The following RASGRF2 variants were observed in gnomAD, a reference collection of about 807,000 sequenced individuals.
The protein encoded by RASGRF2 is Ras protein specific guanine nucleotide releasing factor 2.
In RASGRF2, 76 loss-of-function variants were observed where a neutral mutation model predicts 151.0. That is an observed-to-expected ratio of 0.50 (90% CI 0.42 to 0.61). The LOEUF (loss-of-function observed/expected upper bound fraction) is 0.61. RASGRF2 is among the 20% of genes least tolerant of loss of function. The pLI, the probability that RASGRF2 is intolerant of heterozygous loss-of-function variation, is 0.00. For synonymous variants in RASGRF2, 504 were observed against 566.5 expected (o/e 0.89, Z 1.57); for missense variants, 1,148 against 1,564.6 (o/e 0.73, Z 4.49).
intron 17 of RASGRF2, among the ~76,000 whole-genome samples, chr5:81,130,426 G>T (rs562716761): frequency 1.3e-5 from 2 of 152,252 alleles, no homozygotes; most frequent in South Asian, 4.1e-4. Context: ...TAAGAAAGGG[G>T]GTCTCTTTTG....
In RASGRF2 at chr5:81,145,712, G is replaced by A. The variant is rs539604110; in HGVS notation, c.2686+18549G>A. On this transcript the variant is annotated intron_variant, in intron 17 of 26. Coordinates refer to ENST00000265080, the MANE Select transcript of RASGRF2 (RefSeq NM_006909.3). ...GTGAGTGAGCTGGGAAGCAGACCCC[G>A]TAGCCCCAGCACAGCCTTCAGATGA... Among the ~76,000 whole-genome samples, 13 of 152,262 alleles carry A rather than the reference G, an allele frequency of 8.5e-5. No homozygotes were observed. The East Asian group carries it at 1.2e-3, about 14-fold the overall frequency.
At chr5:81,206,946 A>C in intron 20 of RASGRF2, 41 bp downstream of exon 20, 1 of 1,469,742 alleles carries the variant, frequency 6.8e-7, no homozygotes, top group South Asian at 1.1e-5. Context: ...ACTATGTGCA[A>C]ACTACCTCTC....
intron 2 of RASGRF2, among the ~76,000 whole-genome samples, chr5:81,053,282 C>G (rs952427822): frequency 7.9e-6 from 1 of 126,984 alleles, no homozygotes; most frequent in Non-Finnish European, 1.6e-5. Context: ...CCCCTCCCCC[C>G]ACCCCATGAC....
At chr5:81,031,517 A>G (rs1426580248) in intron 1 of RASGRF2, among the ~76,000 whole-genome samples, 1 of 152,226 alleles carries the variant, frequency 6.6e-6, no homozygotes, top group Admixed American at 6.5e-5. Flanking sequence ...GCTCAACTAC[A>G]TGGAAACTGA....
chr5:81,113,862 G>A lies in RASGRF2; in HGVS notation c.2412G>A (p.Glu804=). The part of the protein sequence containing the change: ...SPEQSPGTVE[E]NVDNPRVDLC... ...AGCAAAGCCCGGGAACGGTAGAAGA[G>A]AATGTCGATAACCCACGCGTGGATC... is the stretch of plus-strand genomic sequence containing the variant. Residue 804 remains glutamate (E), a synonymous_variant, in exon 15 of 27, where the codon GAG becomes GAA. Coordinates refer to ENST00000265080, the MANE Select transcript of RASGRF2 (RefSeq NM_006909.3). The A allele has an allele frequency of 6.2e-7, 1 of 1,614,224 alleles. No individual in the cohort carries two copies. The highest frequency in any genetic ancestry group is 1.6e-4 in the Middle Eastern group (1 of 6,062).
intron 22 of RASGRF2, 60 bp downstream of exon 22, chr5:81,208,498 A>T: frequency 3.2e-6 from 4 of 1,254,192 alleles, no homozygotes; most frequent in Non-Finnish European, 4.6e-6. Context: ...ATTGGGGTCT[A>T]AAGACTCCTC....
chr5:81,048,028 A>G (rs1418356610), intron 2 of RASGRF2, among the ~76,000 whole-genome samples: 1 of 152,228 alleles, frequency 6.6e-6, no homozygotes, highest in Admixed American at 6.5e-5. Flanking sequence ...TGTGTATATC[A>G]TATCCTCCCC....
chr5:80,987,343 C>T (rs1748504829), intron 1 of RASGRF2, among the ~76,000 whole-genome samples: 1 of 152,192 alleles, frequency 6.6e-6, no homozygotes, highest in Non-Finnish European at 1.5e-5. Context: ...GCAGGAACCA[C>T]AGTTTACCCT....
intron 18 of RASGRF2, among the ~76,000 whole-genome samples, chr5:81,180,541 C>T (rs1209831672): frequency 1.3e-5 from 2 of 152,142 alleles, no homozygotes; most frequent in South Asian, 2.1e-4. Context: ...TCTGAGGAAA[C>T]AGCACTCACC....
intron 7 of RASGRF2, among the ~76,000 whole-genome samples, 173 bp from the exon 8 acceptor site, chr5:81,085,629 A>C (rs932786942): frequency 4.6e-5 from 7 of 152,160 alleles, no homozygotes; most frequent in Non-Finnish European, 7.3e-5. Context: ...TTTGGTGTGC[A>C]TGAAGTGTGA....
chr5:81,013,654 T>G (rs1749542105), intron 1 of RASGRF2, among the ~76,000 whole-genome samples: 1 of 151,808 alleles, frequency 6.6e-6, no homozygotes, highest in African/African-American at 2.4e-5. Context: ...TATATATATG[T>G]TATTCTAAAT....
At chr5:81,105,208 G>A (rs1257041963) in intron 12 of RASGRF2, among the ~76,000 whole-genome samples, 4 of 152,094 alleles carry the variant, frequency 2.6e-5, no homozygotes, top group Non-Finnish European at 5.9e-5. Context: ...GTTAGTGCAG[G>A]TAGGATGACA....
chr5:80,982,614 T>TATTATTATTATC (rs1748341510), intron 1 of RASGRF2, among the ~76,000 whole-genome samples: 1 of 148,908 alleles, frequency 6.7e-6, no homozygotes, highest in Non-Finnish European at 1.5e-5. Context: ...TTATTATTAT[T>TATTATTATTATC]ATTTGAGACA....
intron 18 of RASGRF2, among the ~76,000 whole-genome samples, chr5:81,187,520 T>C (rs1383184565): frequency 1.3e-5 from 2 of 152,214 alleles, no homozygotes; most frequent in Admixed American, 1.3e-4. Context: ...GGGGCACACC[T>C]ATATTAGGTT....
rs1167479268 is a variant in RASGRF2, at chr5:80,961,042, T to G, written c.288+16T>G. ...GGACAAGCAGGTACCGCGCGCCTTC[T>G]CTCCGCGGTCTCCCAGCCTTGATCG... On this transcript the variant is annotated intron_variant, in intron 1 of 26. Transcript: ENST00000265080. 2.1e-6 allele frequency: 3 copies of G among 1,435,168 alleles called. No homozygotes were observed. Among genetic ancestry groups the G allele is most frequent in the Non-Finnish European group, 2.8e-6 (3 of 1,089,038 alleles). 88.9% of individuals were successfully genotyped at this position (1,435,168 alleles called of 1,614,324 possible). A position where few individuals can be genotyped will look rare whatever the true frequency, so the allele number is the denominator to read the frequency against.
intron 18 of RASGRF2, among the ~76,000 whole-genome samples, chr5:81,193,503 C>T (rs1295222196): frequency 6.6e-6 from 1 of 152,058 alleles, no homozygotes; most frequent in African/African-American, 2.4e-5. Context: ...CTGATAGCTG[C>T]TTTTTTCTTT....
chr5:81,191,922 TCATTCATTGC>T (rs1755160785), intron 18 of RASGRF2, among the ~76,000 whole-genome samples: 1 of 152,198 alleles, frequency 6.6e-6, no homozygotes, highest in Non-Finnish European at 1.5e-5. Flanking sequence ...TGAATTAGTG[TCATTCATTGC>T]CATTTGCCGC....
chr5:81,076,570 A>T (rs1052937733), intron 5 of RASGRF2, among the ~76,000 whole-genome samples: 2 of 151,038 alleles, frequency 1.3e-5, no homozygotes, highest in African/African-American at 2.4e-5. Flanking sequence ...GGAGGCAAGG[A>T]CATCCGCTGA....
intron 1 of RASGRF2, among the ~76,000 whole-genome samples, chr5:80,967,669 T>C (rs778218314): frequency 2.0e-5 from 3 of 152,200 alleles, no homozygotes; most frequent in Non-Finnish European, 2.9e-5. Flanking sequence ...GCCATTTGTG[T>C]GACTAATGTA....
Sources: gnomAD v4.1 joint callset for allele counts (sites outside exome capture counted in the v4.1 genomes callset) on GRCh38, gnomAD v4.1.1 for gene constraint, MANE v1.5 for transcripts, NCBI Gene and HGNC (gene_info 2026-07-23, HGNC 2026-07-21) for gene names.